Variants in ITGAX observed in about 807,000 individuals in gnomAD.
ITGAX encodes the protein integrin alpha-X.
ITGAX carries 99 observed loss-of-function variants against 140.2 expected under a neutral mutation model. The observed-to-expected ratio is 0.71, with a 90% CI of 0.60 to 0.83. The LOEUF (loss-of-function observed/expected upper bound fraction) is 0.83. ITGAX is among the 40% of genes least tolerant of loss of function. The pLI, the probability that ITGAX is intolerant of heterozygous loss-of-function variation, is 0.00. For missense variants in ITGAX, 1,444 were observed against 1,482.0 expected (o/e 0.97, Z 0.42); for synonymous variants, 631 against 600.4 (o/e 1.05, Z -0.75).
rs747102446 is a variant in ITGAX, at chr16:31,377,083, A to AGCCGG, written c.2705+8_2705+12dup. 1.9e-6 allele frequency: 3 copies of AGCCGG among 1,614,148 alleles called. No individual in the cohort carries two copies. Among genetic ancestry groups the AGCCGG allele is most frequent in the East Asian group, 2.2e-5 (1 of 44,870 alleles). ...TTCTGACAGCCAATGTGAGCAGGTG[A>AGCCGG]GCCGGGCCAGGCCAGGGGCAGTGCC... On this transcript the variant is annotated splice_donor_region_variant and intron_variant, in intron 22 of 29. Transcript: ENST00000268296.
At position 31,382,365 on chromosome 16, in the gene ITGAX, C is replaced by A; in HGVS notation, c.*458C>A. On this transcript the variant is annotated 3_prime_UTR_variant, in exon 30 of 30. Coordinates refer to ENST00000268296, the MANE Select transcript of ITGAX (RefSeq NM_000887.5). ...GGTTCAAGTAATTCTGCTGTCTCAG[C>A]CTCCTGAGTAGCTGGGACTACAGGC... The A allele has an allele frequency of 7.1e-7, 1 of 1,398,836 alleles. No homozygotes were observed. The highest frequency in any genetic ancestry group is 9.8e-7 in the Non-Finnish European group (1 of 1,024,014). The allele number at this position is 1,398,836 out of a possible 1,614,324, so 86.7% of individuals were successfully genotyped here. A position where few individuals can be genotyped will look rare whatever the true frequency, so the allele number is the denominator to read the frequency against.
At chr16:31,379,923 G>C in intron 25 of ITGAX, 59 bp downstream of exon 25, 1 of 1,607,756 alleles carries the variant, frequency 6.2e-7, no homozygotes, top group Admixed American at 1.7e-5. Context: ...GATTCCTTGT[G>C]CCCCATGTGG....
At chr16:31,368,584 T>C (rs887966999) in intron 14 of ITGAX, among the ~76,000 whole-genome samples, 2 of 150,486 alleles carry the variant, frequency 1.3e-5, no homozygotes, top group Non-Finnish European at 3.0e-5. Context: ...TTTCTTTTTT[T>C]ATTTTTTATT....
At position 31,382,620 on chromosome 16, in the gene ITGAX, A is replaced by C; in HGVS notation, c.*713A>C. 1 of 677,214 alleles carries C rather than the reference A, an allele frequency of 1.5e-6. No individual in the cohort carries two copies. The highest frequency in any genetic ancestry group is 2.7e-6 in the Non-Finnish European group (1 of 372,874). 42.0% of individuals were successfully genotyped at this position (677,214 alleles called of 1,614,324 possible). On this transcript the variant is annotated 3_prime_UTR_variant, in exon 30 of 30. Transcript: ENST00000268296. ...AGTGAATTAGTGTCATGTCAGCATC[A>C]GCTCAGGGCTTCATCGTGGGGCTCT...
At chr16:31,366,214 A>C (rs2080891374) in intron 14 of ITGAX, among the ~76,000 whole-genome samples, 1 of 152,188 alleles carries the variant, frequency 6.6e-6, no homozygotes, top group Admixed American at 6.5e-5. Flanking sequence ...TACTTTGGTA[A>C]TTCTCACAAT....
Position 31,377,172 on chromosome 16 carries a change from C to T in ITGAX, c.2706-10C>T, listed in dbSNP as rs376717220. 1 of 1,613,906 alleles carries T rather than the reference C, an allele frequency of 6.2e-7. No homozygotes were observed. The highest frequency in any genetic ancestry group is 8.5e-7 in the Non-Finnish European group (1 of 1,179,782). ...GGCCTCTGGCAACTGAGTCTCTCCTCTTTCTCCAGTGAGAACAACACTCCC... is the reference window on the plus strand; with the variant it reads ...GGCCTCTGGCAACTGAGTCTCTCCTTTTTCTCCAGTGAGAACAACACTCCC... On this transcript the variant is annotated splice_polypyrimidine_tract_variant and intron_variant, in intron 22 of 29. Transcript: ENST00000268296.
intron 15 of ITGAX, 60 bp downstream of exon 15, chr16:31,371,274 A>AC (rs988078849): frequency 8.7e-6 from 14 of 1,606,468 alleles, no homozygotes; most frequent in African/African-American, 5.4e-5. Flanking sequence ...GGGGGTGCCC[A>AC]CCCCACGTGG....
chr16:31,357,208 G>A, intron 4 of ITGAX, 45 bp from the exon 5 acceptor site: 1 of 1,545,922 alleles, frequency 6.5e-7, no homozygotes, highest in South Asian at 1.2e-5. Flanking sequence ...ATGTGAGGGT[G>A]GGAGGAAGCA....
At position 31,379,583 on chromosome 16, in the gene ITGAX, C is replaced by T; in HGVS notation, c.2805C>T (p.Thr935=). ...YTVVSSHEQF[T]KYLNFSESEE... ...CTCTCTCCAGCCACGAACAATTCAC[C>T]AAATACCTCAACTTCTCAGAGTCTG... Residue 935 remains threonine (T), a synonymous_variant, in exon 24 of 30, where the codon ACC becomes ACT. Coordinates refer to ENST00000268296, the MANE Select transcript of ITGAX (RefSeq NM_000887.5). 6.4e-7 allele frequency: 1 copy of T among 1,561,668 alleles called. No individual in the cohort carries two copies. The highest frequency in any genetic ancestry group is 8.7e-7 in the Non-Finnish European group (1 of 1,151,588).
chr16:31,355,519 T>C (rs867516774), intron 1 of ITGAX, among the ~76,000 whole-genome samples: 4 of 152,174 alleles, frequency 2.6e-5, no homozygotes, highest in Non-Finnish European at 5.9e-5. Context: ...GAGAGGCCAG[T>C]TGTCTCTGTA....
At chr16:31,356,570 C>T (rs1441732881) in intron 2 of ITGAX, 55 bp from the exon 3 acceptor site, 2 of 1,271,490 alleles carry the variant, frequency 1.6e-6, no homozygotes, top group Non-Finnish European at 2.2e-6. Context: ...GCCGGAGTGG[C>T]AGCTGTGCTG....
In ITGAX at chr16:31,362,136, C is replaced by G; in HGVS notation, c.1148C>G (p.Pro383Arg). ...TGGTCTGGAGGTGCCTTCCTGTACCCCCCAAATATGAGCCCTACCTTCATC... is the reference window on the plus strand; with the variant it reads ...TGGTCTGGAGGTGCCTTCCTGTACCGCCCAAATATGAGCCCTACCTTCATC... ...FTWSGGAFLY[P>R]PNMSPTFINM... Residue 383 changes from proline (P) to arginine (R), a missense_variant, in exon 11 of 30, where the codon CCC becomes CGC. Transcript: ENST00000268296. The G allele has an allele frequency of 6.2e-7, 1 of 1,614,080 alleles. No homozygotes were observed. Among genetic ancestry groups the G allele is most frequent in the Non-Finnish European group, 8.5e-7 (1 of 1,180,006 alleles).
Position 31,355,890 on chromosome 16 carries a change from C to A in ITGAX, c.38-3C>A. 1 of 1,611,242 alleles carries A rather than the reference C, an allele frequency of 6.2e-7. No individual in the cohort carries two copies. Among genetic ancestry groups the A allele is most frequent in the Non-Finnish European group, 8.5e-7 (1 of 1,177,756 alleles). On this transcript the variant is annotated splice_polypyrimidine_tract_variant and splice_region_variant and intron_variant, in intron 1 of 29. Transcript: ENST00000268296. Reference sequence around the variant, plus strand: ...CAAAGCTCTCTTCCCACCTCTTTCCCAGCCTTAGCAACTTCTCTAGGTTTC... The same window carrying A: ...CAAAGCTCTCTTCCCACCTCTTTCCAAGCCTTAGCAACTTCTCTAGGTTTC...
intron 14 of ITGAX, among the ~76,000 whole-genome samples, chr16:31,369,064 C>T (rs925874546): frequency 2.0e-5 from 3 of 152,232 alleles, no homozygotes; most frequent in African/African-American, 7.2e-5. Flanking sequence ...ACCTTTCCCC[C>T]CTTTCGATTC....
chr16:31,382,397 C>T lies in ITGAX; in HGVS notation c.*490C>T. On this transcript the variant is annotated 3_prime_UTR_variant, in exon 30 of 30. Transcript: ENST00000268296. ...AGTAGCTGGGACTACAGGCACACGC[C>T]ACCTCGCCCGGCCCGATCTTTCTAA... is the stretch of plus-strand genomic sequence containing the variant. 1.3e-6 allele frequency: 2 copies of T among 1,529,584 alleles called. No homozygotes were observed. Among genetic ancestry groups the T allele is most frequent in the Non-Finnish European group, 1.8e-6 (2 of 1,141,296 alleles). The allele number at this position is 1,529,584 out of a possible 1,614,324, so 94.8% of individuals were successfully genotyped here.
At chr16:31,378,926 G>A (rs751938294) in intron 23 of ITGAX, among the ~76,000 whole-genome samples, 32 of 149,580 alleles carry the variant, frequency 2.1e-4, no homozygotes, top group South Asian at 4.2e-4. Flanking sequence ...AGCAATTCTC[G>A]TGCCTCAGCC....
intron 17 of ITGAX, among the ~76,000 whole-genome samples, 176 bp from the exon 18 acceptor site, chr16:31,372,202 G>C (rs553252364): frequency 1.3e-5 from 2 of 152,204 alleles, no homozygotes; most frequent in African/African-American, 4.8e-5. Flanking sequence ...CAAACAAGGG[G>C]AGAGAACAGA....
At chr16:31,372,230 C>T in intron 17 of ITGAX, 148 bp from the exon 18 acceptor site, 1 of 858,798 alleles carries the variant, frequency 1.2e-6, no homozygotes, top group Non-Finnish European at 1.8e-6. Context: ...TCAGGGAGGC[C>T]TCCTGAAGGC....
intron 21 of ITGAX, 24 bp downstream of exon 21, chr16:31,376,939 A>C (rs1305044117): frequency 1.2e-6 from 2 of 1,613,354 alleles, no homozygotes; most frequent in Non-Finnish European, 1.7e-6. Flanking sequence ...CTGTCCCCTC[A>C]CTGCTCCCCT....
Sources: gnomAD v4.1 joint callset for allele counts (sites outside exome capture counted in the v4.1 genomes callset) on GRCh38, gnomAD v4.1.1 for gene constraint, MANE v1.5 for transcripts, NCBI Gene and HGNC (gene_info 2026-07-23, HGNC 2026-07-21) for gene names.